The following CTNNA1 variants were observed in gnomAD, a reference collection of about 807,000 sequenced individuals.
CTNNA1 encodes catenin alpha 1.
CTNNA1 carries 37 observed loss-of-function variants against 98.4 expected under a neutral mutation model. The ratio of observed to expected loss-of-function variants is 0.38; its 90% CI spans 0.29 to 0.49. The LOEUF is 0.49. Among genes scored for constraint, CTNNA1 ranks in the 20% least tolerant of loss-of-function variants. CTNNA1 has a pLI of 0.95. For synonymous variants in CTNNA1, 404 were observed against 413.2 expected (o/e 0.98, Z 0.27); for missense variants, 761 against 1,147.2 (o/e 0.66, Z 4.86).
chr5:138,917,589 C>A (rs1762054608), intron 10 of CTNNA1, among the ~76,000 whole-genome samples, 153 bp from the exon 11 acceptor site: 1 of 152,194 alleles, frequency 6.6e-6, no homozygotes. Flanking sequence ...AATTCAACTT[C>A]ACCATATAAA....
At position 138,915,646 on chromosome 5, in the gene CTNNA1, G is replaced by A. The variant is rs1580781932; in HGVS notation, c.1390-2096G>A. ...ACATGATTCATAATAGTCAAAGAGT[G>A]GCAATAATTCAAATGTTCATTAACT... On this transcript the variant is annotated intron_variant, in intron 10 of 17. Transcript: ENST00000302763. Among the ~76,000 whole-genome samples, 7 of 152,312 alleles carry A rather than the reference G, an allele frequency of 4.6e-5. 1 individual carries two copies. In the South Asian group the frequency reaches 1.4e-3, roughly 32 times the overall value.
At chr5:138,932,204 G>A in intron 16 of CTNNA1, 2 of 1,026,976 alleles carry the variant, frequency 1.9e-6, no homozygotes, top group Non-Finnish European at 2.3e-6. Context: ...CCTGCTTGCT[G>A]AGCCGGCTTG....
At chr5:138,928,510 A>G (rs888790697) in intron 13 of CTNNA1, among the ~76,000 whole-genome samples, 1 of 152,254 alleles carries the variant, frequency 6.6e-6, no homozygotes, top group African/African-American at 2.4e-5. Flanking sequence ...GTCATAAAGT[A>G]GGAAAGTTAT....
intron 3 of CTNNA1, among the ~76,000 whole-genome samples, chr5:138,784,964 CCT>C (rs754844126): frequency 9.2e-5 from 14 of 152,110 alleles, no homozygotes; most frequent in East Asian, 7.7e-4. Flanking sequence ...CTGCAAAGAC[CCT>C]GTTTCCAAAT....
chr5:138,898,167 C>A (rs1380945545), intron 9 of CTNNA1, among the ~76,000 whole-genome samples: 2 of 146,118 alleles, frequency 1.4e-5, no homozygotes, highest in Middle Eastern at 6.8e-3. Context: ...CACCCCCCCC[C>A]ACCCCTTCTC....
chr5:138,905,083 GACTCC>G (rs1758909366), intron 10 of CTNNA1, among the ~76,000 whole-genome samples: 1 of 129,012 alleles, frequency 7.8e-6, no homozygotes, highest in Non-Finnish European at 1.6e-5. Context: ...GACAGAGCAA[GACTCC>G]GTCTCAAAAA....
intron 7 of CTNNA1, among the ~76,000 whole-genome samples, chr5:138,847,948 G>T (rs1385060510): frequency 6.6e-6 from 1 of 152,148 alleles, no homozygotes; most frequent in African/African-American, 2.4e-5. Context: ...ATAATTACCT[G>T]TGTTTCTAGA....
chr5:138,797,230 A>C (rs1757074569), intron 3 of CTNNA1, among the ~76,000 whole-genome samples: 1 of 152,214 alleles, frequency 6.6e-6, no homozygotes, highest in Non-Finnish European at 1.5e-5. Flanking sequence ...TCATTTAAAA[A>C]CTTTTTTTAT....
chr5:138,907,386 T>C (rs980582118), intron 10 of CTNNA1, among the ~76,000 whole-genome samples: 1 of 152,182 alleles, frequency 6.6e-6, no homozygotes, highest in Non-Finnish European at 1.5e-5. Flanking sequence ...TTTTAAACAA[T>C]TGGTAACTAA....
At chr5:138,799,857 G>GATGGATGTATGT (rs151142176) in intron 3 of CTNNA1, among the ~76,000 whole-genome samples, 117 of 149,134 alleles carry the variant, frequency 7.8e-4, no homozygotes, top group African/African-American at 1.9e-3. Flanking sequence ...AGTAGATGTA[G>GATGGATGTATGT]ATGTATGTAT....
chr5:138,825,407 AC>A (rs2149778824), intron 6 of CTNNA1, among the ~76,000 whole-genome samples: 1 of 148,534 alleles, frequency 6.7e-6, no homozygotes, highest in South Asian at 2.1e-4. Context: ...CTTAAGGTTA[AC>A]TTTTTGGTGG....
At position 138,798,401 on chromosome 5, in the gene CTNNA1, G is replaced by C. The variant is rs142952831; in HGVS notation, c.302-11637G>C. On this transcript the variant is annotated intron_variant, in intron 3 of 17. Transcript: ENST00000302763. ...CTACACCAAGTAGTGTTCTGGGAGA[G>C]AAGTAGTTATATTCATTAACATTAC... Among the ~76,000 whole-genome samples, 135 of 152,302 alleles carry C rather than the reference G, an allele frequency of 8.9e-4. 3 individuals are homozygous for C. The East Asian group carries it at 0.022, about 25-fold the overall frequency.
chr5:138,848,395 TTTTG>T (rs570106994), intron 7 of CTNNA1, among the ~76,000 whole-genome samples: 37 of 152,342 alleles, frequency 2.4e-4, no homozygotes, highest in South Asian at 1.7e-3. Flanking sequence ...GTCCTCTTTT[TTTTG>T]TTTGTTTGTT....
intron 16 of CTNNA1, chr5:138,931,165 T>A: frequency 2.0e-6 from 1 of 509,998 alleles, no homozygotes; most frequent in South Asian, 2.2e-5. Context: ...TATTGTCTCT[T>A]ATGTCTCAGT....
intron 7 of CTNNA1, among the ~76,000 whole-genome samples, chr5:138,831,931 A>G (rs1310506847): frequency 6.6e-6 from 1 of 152,204 alleles, no homozygotes; most frequent in Non-Finnish European, 1.5e-5. Flanking sequence ...GTGTGGTGGA[A>G]AAAACCAAAG....
intron 10 of CTNNA1, among the ~76,000 whole-genome samples, chr5:138,908,908 G>T (rs1006260071): frequency 2.6e-5 from 4 of 152,128 alleles, no homozygotes; most frequent in African/African-American, 7.2e-5. Context: ...CGAGGAAGCA[G>T]TTTACAAATT....
chr5:138,933,934 G>T lies in CTNNA1; in HGVS notation c.2566G>T (p.Ala856Ser). The T allele has an allele frequency of 6.2e-7, 1 of 1,614,138 alleles. No individual in the cohort carries two copies. The highest frequency in any genetic ancestry group is 8.5e-7 in the Non-Finnish European group (1 of 1,180,036). ...GGGTATGGCTTCCCTCAACCTTCCT[G>T]CTGTGTCATGGAAGATGAAGGCACC... The part of the protein sequence containing the change: ...SQGMASLNLP[A>S]VSWKMKAPEK... Residue 856 changes from alanine to serine, a missense_variant, in exon 18 of 18, where the codon GCT (alanine) becomes TCT (serine). By Grantham distance (99) the Ala-to-Ser change is moderately conservative. Around this residue, in one of 6 missense-constraint regions of CTNNA1, gnomAD observed 57 missense variants for 90.9 expected, o/e 0.63. Transcript: ENST00000302763.
chr5:138,812,142 A>C, intron 4 of CTNNA1, 41 bp from the exon 5 acceptor site: 2 of 1,591,318 alleles, frequency 1.3e-6, no homozygotes, highest in Non-Finnish European at 1.7e-6. Flanking sequence ...ACAGACCTAC[A>C]TTCAGAATTT....
At chr5:138,770,242 A>T (rs958933010) in intron 1 of CTNNA1, among the ~76,000 whole-genome samples, 1 of 152,216 alleles carries the variant, frequency 6.6e-6, no homozygotes, top group Non-Finnish European at 1.5e-5. Flanking sequence ...TTGTGCCTCC[A>T]GTCCAGGTGC....
Sources: allele counts gnomAD v4.1 joint callset (sites outside exome capture counted in the v4.1 genomes callset), GRCh38; gene constraint gnomAD v4.1.1; regional missense constraint gnomAD v4.1.1; transcripts MANE v1.5; gene names NCBI Gene and HGNC (gene_info 2026-07-23, HGNC 2026-07-21).